Variants in SAE1 observed in about 807,000 individuals in gnomAD.
SAE1 encodes SUMO-activating enzyme subunit 1.
In SAE1, 11 loss-of-function variants were observed where a neutral mutation model predicts 40.6. The observed-to-expected ratio is 0.27, with a 90% confidence interval of 0.17 to 0.45. The LOEUF is 0.45. Ranked by LOEUF, SAE1 falls within the 20% of genes least tolerant of loss-of-function variation. SAE1 has a pLI of 1.00. For synonymous variants in SAE1, 155 were observed against 154.3 expected, an observed-to-expected ratio of 1.00 and a Z score of -0.03; for missense variants, 373 against 427.3, an observed-to-expected ratio of 0.87 and a Z score of 1.12.
chr19:47,161,540 A>G (rs984402204), intron 5 of SAE1, among the ~76,000 whole-genome samples: 5 of 152,198 alleles, frequency 3.3e-5, no homozygotes, highest in African/African-American at 1.2e-4. Context: ...GACACCTGGA[A>G]GGGGCAGATA....
chr19:47,142,572 C>T (rs2058228698), intron 1 of SAE1: 1 of 152,148 alleles, frequency 6.6e-6, no homozygotes, highest in South Asian at 2.1e-4. Flanking sequence ...CATGGCTTTC[C>T]ATCATGCCTC....
intron 6 of SAE1, among the ~76,000 whole-genome samples, chr19:47,186,250 AT>A (rs1275915820): frequency 2.1e-5 from 3 of 143,846 alleles, no homozygotes; most frequent in African/African-American, 7.7e-5. Context: ...AAAAATAAAA[AT>A]AAAAAAAAAA....
intron 1 of SAE1, among the ~76,000 whole-genome samples, chr19:47,133,363 C>G (rs1284288752): frequency 6.6e-6 from 1 of 152,138 alleles, no homozygotes; most frequent in African/African-American, 2.4e-5. Context: ...GTAGCTGGGA[C>G]TATCGGCATG....
intron 2 of SAE1, among the ~76,000 whole-genome samples, chr19:47,144,917 C>T (rs535241393): frequency 3.3e-5 from 5 of 152,076 alleles, no homozygotes; most frequent in South Asian, 2.1e-4. Flanking sequence ...CTGCAACCTC[C>T]GCTTCCCGGG....
chr19:47,179,780 G>C (rs1260311859), intron 6 of SAE1, among the ~76,000 whole-genome samples: 2 of 152,154 alleles, frequency 1.3e-5, no homozygotes, highest in Non-Finnish European at 2.9e-5. Flanking sequence ...GCCCAGGGTA[G>C]TCTCTGTCTC....
intron 1 of SAE1, among the ~76,000 whole-genome samples, chr19:47,137,764 T>C (rs2058191245): frequency 6.7e-6 from 1 of 149,542 alleles, no homozygotes; most frequent in South Asian, 2.1e-4. Flanking sequence ...ACTCTCACTC[T>C]GTCGCCCAGG....
chr19:47,191,403 G>A (rs2058576959), intron 6 of SAE1, among the ~76,000 whole-genome samples: 1 of 152,184 alleles, frequency 6.6e-6, no homozygotes, highest in African/African-American at 2.4e-5. Context: ...AGCCAAAGCA[G>A]AGGATATTGC....
chr19:47,150,371 A>C lies in SAE1; in HGVS notation c.380A>C (p.Asp127Ala). The change falls in exon 3 of 9, where the codon GAT becomes GCT. Residue 127 changes from aspartate to alanine, a missense_variant. Coordinates refer to ENST00000270225, the MANE Select transcript of SAE1 (RefSeq NM_005500.3). Reference sequence around the variant, plus strand: ...CCAGAGTCATTTTTCACTCAATTCGATGCTGTAAGTTTCTTATTATAAAAT... The same window carrying C: ...CCAGAGTCATTTTTCACTCAATTCGCTGCTGTAAGTTTCTTATTATAAAAT... ...KKPESFFTQF[D>A]AVCLTCCSRD... 1 of 1,600,258 alleles carries C rather than the reference A, an allele frequency of 6.2e-7. No homozygotes were observed. Among genetic ancestry groups the C allele is most frequent in the Non-Finnish European group, 8.5e-7 (1 of 1,174,058 alleles).
intron 4 of SAE1, among the ~76,000 whole-genome samples, chr19:47,154,685 G>A (rs934534068): frequency 5.9e-5 from 9 of 151,634 alleles, no homozygotes; most frequent in African/African-American, 2.2e-4. Context: ...TAGTAGAGAC[G>A]GGGTTTTGCT....
intron 7 of SAE1, among the ~76,000 whole-genome samples, chr19:47,198,566 G>T (rs1251890897): frequency 6.6e-6 from 1 of 152,168 alleles, no homozygotes; most frequent in East Asian, 1.9e-4. Context: ...TATGTACTAG[G>T]CATCAGGTAG....
intron 6 of SAE1, among the ~76,000 whole-genome samples, chr19:47,171,818 G>A (rs971076866): frequency 6.6e-6 from 1 of 151,998 alleles, no homozygotes; most frequent in African/African-American, 2.4e-5. Flanking sequence ...GGCCAGGCTG[G>A]TCTTGAACTC....
At chr19:47,160,542 C>T (rs2123230230) in intron 5 of SAE1, among the ~76,000 whole-genome samples, 1 of 151,760 alleles carries the variant, frequency 6.6e-6, no homozygotes, top group African/African-American at 2.4e-5. Context: ...CTACAGATGC[C>T]CGCCGCCATG....
At chr19:47,140,413 G>A (rs1017931074) in intron 1 of SAE1, among the ~76,000 whole-genome samples, 2 of 151,852 alleles carry the variant, frequency 1.3e-5, no homozygotes, top group African/African-American at 2.4e-5. Flanking sequence ...GCCCACGCCC[G>A]GCTAATTTTT....
At chr19:47,168,389 G>A (rs938121554) in intron 5 of SAE1, among the ~76,000 whole-genome samples, 5 of 151,068 alleles carry the variant, frequency 3.3e-5, no homozygotes, top group African/African-American at 4.9e-5. Flanking sequence ...CTGCAGCCTC[G>A]ACCTCCTGTG....
rs752732125 is a variant in SAE1, at chr19:47,143,469, CAGGTTAACA to C, written c.99-23_99-15del. On this transcript the variant is annotated splice_polypyrimidine_tract_variant and intron_variant, in intron 1 of 8. Coordinates refer to ENST00000270225, the MANE Select transcript of SAE1 (RefSeq NM_005500.3). ...CTGCAAGCTCACTGTTCTGTATCAT[CAGGTTAACA>C]ATGTTTGTCTTACAGGCTGCGGGCC... The C allele has an allele frequency of 9.2e-5, 142 of 1,546,434 alleles. No individual in the cohort carries two copies. Among genetic ancestry groups the C allele is most frequent in the Non-Finnish European group, 1.2e-4 (132 of 1,118,464 alleles).
Position 47,155,181 on chromosome 19 carries a change from C to T in SAE1, c.595C>T (p.Leu199Phe). The change falls in exon 5 of 9, where the codon CTT (leucine) becomes TTT (phenylalanine). Residue 199 changes from leucine to phenylalanine, a missense_variant. Physicochemically the swap from Leu to Phe is conservative, Grantham distance 22. Transcript: ENST00000270225. ...TGGGCCCGACACCAAGAGAGCAAAA[C>T]TTGATTCTTCTGAGACAACGATGGT... The part of the protein sequence containing the change: ...EDGPDTKRAK[L>F]DSSETTMVKK... The T allele has an allele frequency of 6.2e-7, 1 of 1,613,840 alleles. No individual in the cohort carries two copies. Among genetic ancestry groups the T allele is most frequent in the Non-Finnish European group, 8.5e-7 (1 of 1,179,854 alleles).
At chr19:47,177,026 C>T (rs2058473393) in intron 6 of SAE1, among the ~76,000 whole-genome samples, 1 of 152,138 alleles carries the variant, frequency 6.6e-6, no homozygotes, top group African/African-American at 2.4e-5. Flanking sequence ...CAGGTTTAGC[C>T]TAGAGCAGGA....
intron 8 of SAE1, among the ~76,000 whole-genome samples, chr19:47,207,312 G>T (rs2058691482): frequency 6.6e-6 from 1 of 152,202 alleles, no homozygotes; most frequent in Non-Finnish European, 1.5e-5. Flanking sequence ...TATGGTAGAT[G>T]TGATTGTCCC....
chr19:47,143,834 C>T (rs530383247), intron 2 of SAE1, among the ~76,000 whole-genome samples: 5 of 152,154 alleles, frequency 3.3e-5, no homozygotes. Flanking sequence ...TTGAGCTTGC[C>T]TGCCTGTAAA....
Sources: allele counts gnomAD v4.1 joint callset (sites outside exome capture counted in the v4.1 genomes callset), GRCh38; gene constraint gnomAD v4.1.1; transcripts MANE v1.5; gene names NCBI Gene and HGNC (gene_info 2026-07-23, HGNC 2026-07-21).